Variants in MRAP observed in about 807,000 individuals in gnomAD.
The protein encoded by MRAP is melanocortin 2 receptor accessory protein.
MRAP carries 8 observed loss-of-function variants against 8.7 expected under a neutral mutation model. The ratio of observed to expected loss-of-function variants is 0.92; its 90% CI spans 0.54 to 1.66. The LOEUF is 1.66. Among genes scored for constraint, MRAP ranks in the 40% most tolerant of loss-of-function variants. The pLI is 0.00. For missense variants in MRAP, 237 were observed against 217.1 expected (o/e 1.09, Z -0.58); for synonymous variants, 95 against 95.5 (o/e 1.00, Z 0.03).
downstream of MRAP, chr21:32,314,620 G>C: frequency 6.2e-7 from 1 of 1,614,218 alleles, no homozygotes; most frequent in Non-Finnish European, 8.5e-7. Context: ...CCTGTGATGA[G>C]CTCCAAGCCC....
downstream of MRAP, chr21:32,313,195 G>A (rs1041955767): frequency 1.3e-5 from 2 of 152,290 alleles, no homozygotes; most frequent in Non-Finnish European, 2.9e-5. Context: ...ATGAAGCCGT[G>A]GAAATCCACC....
chr21:32,307,759 G>A (rs1395016910), intron 2 of MRAP, among the ~76,000 whole-genome samples: 3 of 148,414 alleles, frequency 2.0e-5, no homozygotes, highest in East Asian at 2.0e-4. Flanking sequence ...CTGTAGTCCC[G>A]GCTACTCAGG....
intron 1 of MRAP, among the ~76,000 whole-genome samples, chr21:32,301,038 T>C (rs2032285292): frequency 6.6e-6 from 1 of 151,492 alleles, no homozygotes; most frequent in Admixed American, 6.6e-5. Flanking sequence ...ATATATCAAA[T>C]ATATCATATG....
At chr21:32,313,105 AT>A (rs1261226354), downstream of MRAP, 3 of 152,214 alleles carry the variant, frequency 2.0e-5, no homozygotes, top group African/African-American at 7.2e-5. Flanking sequence ...GCTTTGGAGC[AT>A]TTGTCGCCAC....
At chr21:32,312,582 C>G (rs1344588168), downstream of MRAP, 4 of 164,556 alleles carry the variant, frequency 2.4e-5, no homozygotes, top group Admixed American at 2.2e-4. Context: ...CTGTCAGCAG[C>G]CAGGCCGGGT....
chr21:32,307,750 T>C (rs2032455414), intron 2 of MRAP, among the ~76,000 whole-genome samples: 1 of 152,028 alleles, frequency 6.6e-6, no homozygotes, highest in Admixed American at 6.6e-5. Context: ...AGTGCGCACC[T>C]GTAGTCCCGG....
chr21:32,314,264 A>T (rs1329728720), downstream of MRAP: 1 of 371,518 alleles, frequency 2.7e-6, no homozygotes, highest in African/African-American at 2.1e-5. Context: ...AGCTCACTGT[A>T]GCCTCCACCT....
intron 1 of MRAP, among the ~76,000 whole-genome samples, chr21:32,304,965 G>GTTTTTTTT (rs537525538): frequency 6.4e-5 from 5 of 78,126 alleles, no homozygotes; most frequent in African/African-American, 1.4e-4. Flanking sequence ...TTTTTTTGTT[G>GTTTTTTTT]TTTTTTTTTT....
At chr21:32,294,555 G>A (rs921666007), upstream of MRAP, among the ~76,000 whole-genome samples, 2 of 152,046 alleles carry the variant, frequency 1.3e-5, no homozygotes, top group African/African-American at 2.4e-5. Flanking sequence ...TGGGTTATCT[G>A]TCTTTTTATT....
intron 1 of MRAP, among the ~76,000 whole-genome samples, chr21:32,303,584 G>C (rs1005077532): frequency 6.6e-6 from 1 of 152,194 alleles, no homozygotes; most frequent in Non-Finnish European, 1.5e-5. Flanking sequence ...AGAGAGGGAA[G>C]GAAAGGAGGA....
chr21:32,303,150 T>A (rs1240253630), intron 1 of MRAP, among the ~76,000 whole-genome samples: 3 of 151,954 alleles, frequency 2.0e-5, no homozygotes, highest in African/African-American at 7.3e-5. Context: ...TGACTAATTT[T>A]ATTTTGTATT....
intron 1 of MRAP, among the ~76,000 whole-genome samples, chr21:32,305,464 T>C (rs2032391971): frequency 6.6e-6 from 1 of 152,164 alleles, no homozygotes; most frequent in South Asian, 2.1e-4. Context: ...ATTCTTTCAG[T>C]GGTTTGCACG....
At chr21:32,304,965 G>GTTTTTTTTTTT (rs537525538) in intron 1 of MRAP, among the ~76,000 whole-genome samples, 10 of 78,126 alleles carry the variant, frequency 1.3e-4, no homozygotes, top group African/African-American at 2.4e-4. Flanking sequence ...TTTTTTTGTT[G>GTTTTTTTTTTT]TTTTTTTTTT....
Position 32,299,093 on chromosome 21 carries a change from G to C in MRAP, c.106+16G>C. 1 of 1,604,954 alleles carries C rather than the reference G, an allele frequency of 6.2e-7. No homozygotes were observed. The highest frequency in any genetic ancestry group is 1.1e-5 in the South Asian group (1 of 90,800). ...GCCCACAAACGTAAGTCTGAACTAG[G>C]GAAGCCGGTCAGACAGAGGCTGGGG... On this transcript the variant is annotated intron_variant, in intron 1 of 2. Transcript: ENST00000303645.
intron 1 of MRAP, among the ~76,000 whole-genome samples, chr21:32,304,965 GTTTTT>G (rs537525538): frequency 5.1e-5 from 4 of 78,128 alleles, no homozygotes; most frequent in Admixed American, 1.5e-4. Context: ...TTTTTTTGTT[GTTTTT>G]TTTTTTTTTT....
chr21:32,294,796 C>A (rs2032111307), upstream of MRAP, among the ~76,000 whole-genome samples: 1 of 152,082 alleles, frequency 6.6e-6, no homozygotes, highest in Non-Finnish European at 1.5e-5. Flanking sequence ...CATTTAACAT[C>A]TTAATAATAC....
chr21:32,301,001 TATGATG>T (rs66527022), intron 1 of MRAP, among the ~76,000 whole-genome samples: 2 of 149,884 alleles, frequency 1.3e-5, no homozygotes, highest in African/African-American at 2.5e-5. Flanking sequence ...TGATATATGA[TATGATG>T]ATATATCGCA....
At chr21:32,308,201 C>G (rs903229286) in intron 2 of MRAP, among the ~76,000 whole-genome samples, 5 of 151,952 alleles carry the variant, frequency 3.3e-5, no homozygotes, top group Non-Finnish European at 7.4e-5. Flanking sequence ...GGTGAAACCC[C>G]ATCTCTACTG....
rs77770945 is a variant in MRAP, at chr21:32,310,236, C to T, written c.207-1448C>T. 1.5e-3 allele frequency among the ~76,000 whole-genome samples: 235 copies of T among 152,176 alleles called. 1 individual carries two copies. Among genetic ancestry groups the T allele is most frequent in the African/African-American group, 5.3e-3 (218 of 41,498 alleles). ...TACATGGCTTACTAAAGAAAATGCTCTCAAGGCACTTGGTAACATTCCTGG... is the reference window on the plus strand; with the variant it reads ...TACATGGCTTACTAAAGAAAATGCTTTCAAGGCACTTGGTAACATTCCTGG... On this transcript the variant is annotated intron_variant, in intron 2 of 2. Coordinates refer to ENST00000303645, the MANE Select transcript of MRAP (RefSeq NM_001379228.1).
Sources: allele counts gnomAD v4.1 joint callset (sites outside exome capture counted in the v4.1 genomes callset), GRCh38; gene constraint gnomAD v4.1.1; transcripts MANE v1.5; gene names NCBI Gene and HGNC (gene_info 2026-07-23, HGNC 2026-07-21).